Variants in ANP32B observed in about 807,000 individuals in gnomAD.
ANP32B encodes acidic nuclear phosphoprotein 32 family member B, also known as acidic leucine-rich nuclear phosphoprotein 32 family member B.
ANP32B carries 6 observed loss-of-function variants against 32.2 expected under a neutral mutation model. The observed-to-expected ratio is 0.19, with a 90% CI of 0.10 to 0.37. The LOEUF is 0.37. Ranked by LOEUF, ANP32B falls within the 10% of genes least tolerant of loss-of-function variation. ANP32B has a pLI of 1.00. For missense variants in ANP32B, 204 were observed against 289.2 expected, an observed-to-expected ratio of 0.71 and a Z score of 2.14; for synonymous variants, 98 against 105.8, an observed-to-expected ratio of 0.93 and a Z score of 0.45.
In ANP32B at chr9:97,994,639, A is replaced by G; in HGVS notation, c.63A>G (p.Glu21=). The stretch of plus-strand genomic sequence containing the variant: ...TTCTTTGTCATCCACAGGTTCGAGA[A>G]CTTGTCTTGGACAATTGCAAATCAA... ...LRNRTPAAVR[E]LVLDNCKSND... The change falls in exon 2 of 7, where the codon GAA becomes GAG. Residue 21 remains glutamate (E), a synonymous_variant. Coordinates refer to ENST00000339399, the MANE Select transcript of ANP32B (RefSeq NM_006401.3). 1 of 1,603,872 alleles carries G rather than the reference A, an allele frequency of 6.2e-7. No homozygotes were observed. The highest frequency in any genetic ancestry group is 8.5e-7 in the Non-Finnish European group (1 of 1,177,668).
chr9:98,005,089 G>A lies in ANP32B; in HGVS notation c.453G>A (p.Glu151=). The A allele has an allele frequency of 6.2e-7, 1 of 1,614,034 alleles. No individual in the cohort carries two copies. The highest frequency in any genetic ancestry group is 2.2e-5 in the East Asian group (1 of 44,874). The stretch of plus-strand genomic sequence containing the variant: ...CCTACTTGGATGGCTATGACCGAGA[G>A]GACCAGGAAGCACCTGACTCAGATG... ...QLTYLDGYDR[E]DQEAPDSDAE... The change falls in exon 4 of 7, where the codon GAG becomes GAA. Residue 151 remains glutamate, a synonymous_variant. Coordinates refer to ENST00000339399, the MANE Select transcript of ANP32B (RefSeq NM_006401.3).
At chr9:97,994,545 A>G (rs1827875618) in intron 1 of ANP32B, 86 bp from the exon 2 acceptor site, 1 of 1,406,766 alleles carries the variant, frequency 7.1e-7, no homozygotes, top group African/African-American at 1.4e-5. Context: ...GTGTTTTTGC[A>G]GGATATTTAT....
chr9:98,010,198 G>GT (rs1444813554), intron 4 of ANP32B, among the ~76,000 whole-genome samples: 1 of 149,160 alleles, frequency 6.7e-6, no homozygotes, highest in African/African-American at 2.5e-5. Flanking sequence ...GAAAATAGTG[G>GT]TTTAAAAAAA....
At chr9:97,999,666 C>T (rs1002718652) in intron 3 of ANP32B, among the ~76,000 whole-genome samples, 8 of 152,226 alleles carry the variant, frequency 5.3e-5, no homozygotes, top group African/African-American at 1.9e-4. Context: ...GCCTTACTTA[C>T]CTCACTTAGG....
Position 97,983,437 on chromosome 9 carries a change from C to T in ANP32B, c.-119C>T. On this transcript the variant is annotated 5_prime_UTR_variant, in exon 1 of 7. Transcript: ENST00000339399. Reference sequence around the variant, plus strand: ...CGCCGCCCGCCACCCAGGACCGCGCCGCCGGCCTCCGCCGCTAGCAAACCC... The same window carrying T: ...CGCCGCCCGCCACCCAGGACCGCGCTGCCGGCCTCCGCCGCTAGCAAACCC... 1.1e-6 allele frequency: 1 copy of T among 923,592 alleles called. No individual in the cohort carries two copies. The highest frequency in any genetic ancestry group is 1.7e-6 in the Non-Finnish European group (1 of 602,262). The allele number at this position is 923,592 out of a possible 1,614,324, so 57.2% of individuals were successfully genotyped here. A position where few individuals can be genotyped will look rare whatever the true frequency, so the allele number is the denominator to read the frequency against.
At chr9:97,997,508 G>A (rs1375978886) in intron 2 of ANP32B, among the ~76,000 whole-genome samples, 1 of 152,176 alleles carries the variant, frequency 6.6e-6, no homozygotes, top group African/African-American at 2.4e-5. Context: ...AAGCCAGCCT[G>A]CCTGGCTTCA....
At chr9:98,012,576 G>T (rs1424406870) in intron 6 of ANP32B, 104 bp downstream of exon 6, 14 of 1,504,724 alleles carry the variant, frequency 9.3e-6, no homozygotes, top group South Asian at 3.7e-5. Context: ...AATACTCTTG[G>T]CTCTGGTGGT....
In ANP32B at chr9:98,011,309, G is replaced by A; in HGVS notation, c.556G>A (p.Glu186Lys). Reference sequence around the variant, plus strand: ...GGAAGACGAGGACGATGAGGATGGTGAAGAAGAGGAGTTTGATGAAGAAGA... The same window carrying A: ...GGAAGACGAGGACGATGAGGATGGTAAAGAAGAGGAGTTTGATGAAGAAGA... ...DEEDEDDEDG[E>K]EEEFDEEDDE... Residue 186 changes from glutamate (E) to lysine (K), a missense_variant, in exon 5 of 7, where the codon GAA becomes AAA. Physicochemically the swap from Glu to Lys is moderately conservative, Grantham distance 56 (BLOSUM62 1). Transcript: ENST00000339399. The A allele has an allele frequency of 1.3e-6, 2 of 1,548,536 alleles. No individual in the cohort carries two copies. The highest frequency in any genetic ancestry group is 1.7e-6 in the Non-Finnish European group (2 of 1,143,242).
At chr9:97,986,614 C>T (rs1480631005) in intron 1 of ANP32B, 1 of 152,268 alleles carries the variant, frequency 6.6e-6, no homozygotes, top group Non-Finnish European at 1.5e-5. Context: ...AGATCACTCT[C>T]TTAAAATCAC....
chr9:97,995,481 A>G (rs1827889186), intron 2 of ANP32B, among the ~76,000 whole-genome samples: 2 of 152,240 alleles, frequency 1.3e-5, no homozygotes, highest in African/African-American at 4.8e-5. Context: ...ATTTAAACTA[A>G]GGCACACGTA....
intron 6 of ANP32B, among the ~76,000 whole-genome samples, chr9:98,014,977 T>C (rs1828250382): frequency 6.6e-6 from 1 of 152,258 alleles, no homozygotes. Context: ...GGTCTGGAAC[T>C]CCTGACCTCA....
At chr9:97,983,678 C>G (rs1369138864) in intron 1 of ANP32B, 69 bp downstream of exon 1, 13 of 1,332,186 alleles carry the variant, frequency 9.8e-6, no homozygotes, top group Non-Finnish European at 1.2e-5. Flanking sequence ...ACCTGCGGGG[C>G]CCGGGCTGAG....
At chr9:97,994,346 G>C (rs1341615259) in intron 1 of ANP32B, among the ~76,000 whole-genome samples, 2 of 152,150 alleles carry the variant, frequency 1.3e-5, no homozygotes, top group East Asian at 3.8e-4. Flanking sequence ...AGGGGAATAC[G>C]CTTACTTCAC....
At position 97,992,805 on chromosome 9, in the gene ANP32B, G is replaced by C. The variant is rs137947073; in HGVS notation, c.55-1826G>C. ...AGATATAAGTAAAGTAAACAGCAAAGGTCACTGACATTTCCCATTCCCTTT... is the reference window on the plus strand; with the variant it reads ...AGATATAAGTAAAGTAAACAGCAAACGTCACTGACATTTCCCATTCCCTTT... On this transcript the variant is annotated intron_variant, in intron 1 of 6. Transcript: ENST00000339399. Among the ~76,000 whole-genome samples, 13 of 152,252 alleles carry C rather than the reference G, an allele frequency of 8.5e-5. No homozygotes were observed. The East Asian group carries it at 2.3e-3, about 27-fold the overall frequency.
chr9:97,984,180 C>A (rs906697253), intron 1 of ANP32B, among the ~76,000 whole-genome samples: 1 of 149,988 alleles, frequency 6.7e-6, no homozygotes, highest in African/African-American at 2.4e-5. Context: ...TTGAAGGGAG[C>A]GAGAAGCCCC....
Position 98,010,201 on chromosome 9 carries a change from T to TA in ANP32B, c.518-1060dup, listed in dbSNP as rs1347594492. 7.0e-3 allele frequency among the ~76,000 whole-genome samples: 1,014 copies of TA among 144,568 alleles called. 12 individuals carry two copies. Among genetic ancestry groups the TA allele is most frequent in the African/African-American group, 0.023 (926 of 39,478 alleles). 94.8% of individuals were successfully genotyped at this position (144,568 alleles called of 152,430 possible). ...CCAGGCACTGCGGAAAATAGTGGTTTAAAAAAAAAAGGAACAAAAAAACAA... is the reference window on the plus strand; with the variant it reads ...CCAGGCACTGCGGAAAATAGTGGTTTAAAAAAAAAAAGGAACAAAAAAACAA... On this transcript the variant is annotated intron_variant, in intron 4 of 6. Coordinates refer to ENST00000339399, the MANE Select transcript of ANP32B (RefSeq NM_006401.3).
intron 1 of ANP32B, among the ~76,000 whole-genome samples, chr9:97,985,069 C>A (rs1256064064): frequency 1.3e-5 from 2 of 150,320 alleles, no homozygotes; most frequent in African/African-American, 2.4e-5. Flanking sequence ...GTCGCGAGCC[C>A]CCCCCCCGCC....
intron 4 of ANP32B, among the ~76,000 whole-genome samples, chr9:98,007,967 T>C (rs1284605572): frequency 6.6e-6 from 1 of 152,130 alleles, no homozygotes; most frequent in Non-Finnish European, 1.5e-5. Context: ...AGAATAACAG[T>C]CACCACTAGC....
rs117843500 is a variant in ANP32B at position 97,989,522 on chromosome 9, C to G, written c.55-5109C>G. Among the ~76,000 whole-genome samples the G allele has an allele frequency of 1.5e-4, 23 of 152,224 alleles. No individual in the cohort carries two copies. The East Asian group carries it at 4.4e-3, about 29-fold the overall frequency. On this transcript the variant is annotated intron_variant, in intron 1 of 6. Coordinates refer to ENST00000339399, the MANE Select transcript of ANP32B (RefSeq NM_006401.3). ...CAGTTAACTCTTGGATCAAATAGAT[C>G]CCTCAGATTTAAGCACAAATGAACA... is the stretch of plus-strand genomic sequence containing the variant.
Sources: allele counts gnomAD v4.1 joint callset (sites outside exome capture counted in the v4.1 genomes callset), GRCh38; gene constraint gnomAD v4.1.1; transcripts MANE v1.5; gene names NCBI Gene and HGNC (gene_info 2026-07-23, HGNC 2026-07-21).